The following ROBO2 variants were observed in gnomAD, a reference collection of about 807,000 sequenced individuals.
ROBO2 encodes roundabout homolog 2.
A neutral mutation model predicts 160.8 loss-of-function variants in ROBO2; 53 were observed. That is an observed-to-expected ratio of 0.33 (90% CI 0.26 to 0.41). ROBO2 has a LOEUF of 0.41. ROBO2 is among the 10% of genes least tolerant of loss of function. The probability of loss-of-function intolerance (pLI) is 1.00; values close to 1 mark genes in which losing one functional copy is unlikely to be tolerated. For synonymous variants in ROBO2, 664 were observed against 611.7 expected, an observed-to-expected ratio of 1.09 and a Z score of -1.26; for missense variants, 1,577 against 1,722.4, an observed-to-expected ratio of 0.92 and a Z score of 1.49.
At chr3:76,960,487 G>T (rs553122728) in intron 2 of ROBO2, among the ~76,000 whole-genome samples, 195 of 151,790 alleles carry the variant, frequency 1.3e-3, no homozygotes, top group Non-Finnish European at 2.3e-3. Context: ...TTCAATAAAT[G>T]CTTTAATTTA....
intron 2 of ROBO2, among the ~76,000 whole-genome samples, chr3:76,122,732 T>C (rs2070802975): frequency 6.6e-6 from 1 of 152,190 alleles, no homozygotes; most frequent in Non-Finnish European, 1.5e-5. Context: ...TGTTTCTCCC[T>C]ACGTGCTCTC....
At chr3:77,521,361 T>C (rs55829604) in intron 5 of ROBO2, among the ~76,000 whole-genome samples, 16,403 of 151,152 alleles carry the variant, frequency 0.11, 1,164 homozygotes, top group South Asian at 0.2. Context: ...TTGCAGTGAG[T>C]GAAGCAGACA....
chr3:77,514,891 T>C lies in ROBO2; in HGVS notation c.807-7884T>C, dbSNP rs150747944. On this transcript the variant is annotated intron_variant, in intron 5 of 25. Coordinates refer to ENST00000461745, the Ensembl canonical transcript of ROBO2. ...CCTATTAGTTTTAGGGAGCAAATTA[T>C]TGTCTTAGGGAAACCATGACCCATG... 5.4e-3 allele frequency among the ~76,000 whole-genome samples: 827 copies of C among 151,846 alleles called. 6 individuals are homozygous for C. Among genetic ancestry groups the C allele is most frequent in the African/African-American group, 0.019 (774 of 41,496 alleles).
At chr3:77,634,962 C>A (rs1431087057) in exon 24 of ROBO2, 3 of 1,614,042 alleles carry the variant, frequency 1.9e-6, no homozygotes, top group African/African-American at 1.3e-5. Context: ...AAGTCAGAGG[C>A]CTCGGCCCAC....
At chr3:77,067,872 G>A (rs937405050) in intron 1 of ROBO2, among the ~76,000 whole-genome samples, 1 of 152,126 alleles carries the variant, frequency 6.6e-6, no homozygotes, top group Non-Finnish European at 1.5e-5. Flanking sequence ...GCATGCTGAG[G>A]ATGTTTCAGA....
chr3:76,415,658 G>T (rs1332915327), intron 2 of ROBO2, among the ~76,000 whole-genome samples: 2 of 152,092 alleles, frequency 1.3e-5, no homozygotes, highest in Non-Finnish European at 2.9e-5. Flanking sequence ...GGACAATATT[G>T]CTAATCGATG....
chr3:76,300,905 A>G (rs1252074324), intron 2 of ROBO2, among the ~76,000 whole-genome samples: 2 of 152,076 alleles, frequency 1.3e-5, no homozygotes, highest in African/African-American at 4.8e-5. Flanking sequence ...CTATAGAAGT[A>G]ATTGTGAGTC....
chr3:77,498,608 T>G (rs545997367), intron 5 of ROBO2, among the ~76,000 whole-genome samples: 31 of 151,702 alleles, frequency 2.0e-4, no homozygotes, highest in African/African-American at 7.3e-4. Flanking sequence ...TACTTATAAT[T>G]CCTTTTTTTT....
chr3:77,319,908 C>G (rs945250943), intron 2 of ROBO2, among the ~76,000 whole-genome samples: 1 of 152,092 alleles, frequency 6.6e-6, no homozygotes, highest in Non-Finnish European at 1.5e-5. Flanking sequence ...TGGTAGAGAG[C>G]CTAAAAACCC....
chr3:77,316,417 TCA>T (rs548213925), intron 2 of ROBO2, among the ~76,000 whole-genome samples: 3 of 152,118 alleles, frequency 2.0e-5, no homozygotes, highest in Non-Finnish European at 4.4e-5. Flanking sequence ...TCTCAGGAAA[TCA>T]CAGTTTCATT....
intron 2 of ROBO2, among the ~76,000 whole-genome samples, chr3:76,123,739 T>G (rs2108300644): frequency 6.6e-6 from 1 of 152,266 alleles, no homozygotes; most frequent in African/African-American, 2.4e-5. Context: ...TTCCTTTTTC[T>G]AATGTACTTG....
intron 2 of ROBO2, among the ~76,000 whole-genome samples, chr3:76,466,617 A>G (rs768822253): frequency 1.3e-5 from 2 of 151,986 alleles, no homozygotes; most frequent in Non-Finnish European, 2.9e-5. Context: ...CGATTTTTTC[A>G]TATAAGCTTC....
At chr3:76,046,818 C>G (rs1486169751) in intron 2 of ROBO2, among the ~76,000 whole-genome samples, 1 of 150,490 alleles carries the variant, frequency 6.6e-6, no homozygotes, top group African/African-American at 2.5e-5. Flanking sequence ...GAATATATCA[C>G]GTATGGTCTT....
chr3:77,316,781 G>A (rs1249513483), intron 2 of ROBO2: 3 of 1,257,594 alleles, frequency 2.4e-6, no homozygotes, highest in East Asian at 4.6e-5. Flanking sequence ...CCTAGACCAA[G>A]CTTGTGGCCA....
At position 75,910,503 on chromosome 3, in the gene ROBO2, T is replaced by C. The variant is rs566542779; in HGVS notation, c.-14+3543T>C. On this transcript the variant is annotated intron_variant, in intron 1 of 26. Transcript: ENST00000487694. The stretch of plus-strand genomic sequence containing the variant: ...GGGACATAATATACTAGGGAGATGA[T>C]TGAACATCCTAAGTTCTAGTGTATA... Among the ~76,000 whole-genome samples, 7 of 152,292 alleles carry C rather than the reference T, an allele frequency of 4.6e-5. No individual in the cohort carries two copies. The East Asian group carries it at 1.2e-3, about 25-fold the overall frequency.
chr3:77,377,846 T>A (rs573271259), intron 2 of ROBO2, among the ~76,000 whole-genome samples: 1 of 152,342 alleles, frequency 6.6e-6, no homozygotes, highest in African/African-American at 2.4e-5. Flanking sequence ...ATGCTTAATA[T>A]CAGTGACTAA....
At chr3:76,427,183 C>T (rs1027611264) in intron 2 of ROBO2, among the ~76,000 whole-genome samples, 1 of 150,632 alleles carries the variant, frequency 6.6e-6, no homozygotes, top group Non-Finnish European at 1.5e-5. Context: ...TGTTTTGCAT[C>T]GGGGCTATTT....
At chr3:76,287,646 G>A (rs1016136689) in intron 2 of ROBO2, among the ~76,000 whole-genome samples, 7 of 152,050 alleles carry the variant, frequency 4.6e-5, no homozygotes, top group Non-Finnish European at 1.0e-4. Context: ...CGTATTGGAA[G>A]GCAGTACTGC....
At chr3:76,486,669 A>C (rs775388913) in intron 2 of ROBO2, among the ~76,000 whole-genome samples, 18 of 152,158 alleles carry the variant, frequency 1.2e-4, no homozygotes, top group Non-Finnish European at 2.5e-4. Flanking sequence ...AAATAAATGT[A>C]TGAGGGCAAA....
Sources: gnomAD v4.1 joint callset for allele counts (sites outside exome capture counted in the v4.1 genomes callset) on GRCh38, gnomAD v4.1.1 for gene constraint, MANE v1.5 for transcripts, NCBI Gene and HGNC (gene_info 2026-07-23, HGNC 2026-07-21) for gene names.